Variants in THADA observed in about 807,000 individuals in gnomAD.
THADA encodes the protein tRNA (32-2'-O)-methyltransferase regulator THADA.
Under a neutral mutation model 219.8 loss-of-function variants are expected in THADA, and 213 were observed. The ratio of observed to expected loss-of-function variants is 0.97; its 90% CI spans 0.87 to 1.09. The LOEUF is 1.09. Ranked by LOEUF, THADA falls within the 50% of genes least tolerant of loss-of-function variation. The probability of loss-of-function intolerance (pLI) is 0.00; values close to 1 mark genes in which losing one functional copy is unlikely to be tolerated. For missense variants in THADA, 2,956 were observed against 2,311.3 expected (o/e 1.28, Z -5.72); for synonymous variants, 1,018 against 828.9 (o/e 1.23, Z -3.92).
chr2:43,292,019 G>C (rs1674788668), intron 33 of THADA, 85 bp downstream of exon 33: 1 of 922,308 alleles, frequency 1.1e-6, no homozygotes, highest in East Asian at 2.7e-5. Flanking sequence ...AGACCTGAGG[G>C]CAGGATTGTG....
intron 29 of THADA, among the ~76,000 whole-genome samples, chr2:43,351,485 G>A (rs966102924): frequency 6.6e-6 from 1 of 150,880 alleles, no homozygotes; most frequent in Admixed American, 6.6e-5. Context: ...ACTCTCCCCA[G>A]CTTTCCTCAA....
chr2:43,571,632 A>T (rs1290199293), intron 13 of THADA, 75 bp downstream of exon 13: 3 of 1,495,332 alleles, frequency 2.0e-6, no homozygotes, highest in Non-Finnish European at 2.7e-6. Context: ...CGCTCCCAAA[A>T]TCTGGGCTCT....
chr2:43,231,241 T>C lies in THADA; in HGVS notation c.5569A>G (p.Lys1857Glu). Reference sequence around the variant, plus strand: ...GGGCTTGGGGGACGCCAGCCGGACTTTGAGAGGAGACAGAAGAGGTGCTTG... The same window carrying C: ...GGGCTTGGGGGACGCCAGCCGGACTCTGAGAGGAGACAGAAGAGGTGCTTG... ...LCKHLFCLLS[K>E]SGWRPPSPEM... Residue 1857 changes from lysine (K) to glutamate (E), a missense_variant, in exon 38 of 38, where the codon AAG becomes GAG. Transcript: ENST00000405975. The C allele has an allele frequency of 6.2e-7, 1 of 1,613,624 alleles. No individual in the cohort carries two copies. Among genetic ancestry groups the C allele is most frequent in the Non-Finnish European group, 8.5e-7 (1 of 1,179,740 alleles).
chr2:43,354,916 A>C (rs898240480), intron 29 of THADA, among the ~76,000 whole-genome samples: 1 of 152,070 alleles, frequency 6.6e-6, no homozygotes, highest in Non-Finnish European at 1.5e-5. Context: ...TGGTTTTACA[A>C]GGGGTTTTTC....
At chr2:43,296,273 T>G (rs1254937904) in intron 31 of THADA, among the ~76,000 whole-genome samples, 1 of 150,580 alleles carries the variant, frequency 6.6e-6, no homozygotes, top group Non-Finnish European at 1.5e-5. Flanking sequence ...GGAGGCATCT[T>G]TTTATTTTTT....
At chr2:43,494,159 C>T (rs1315014773) in intron 25 of THADA, among the ~76,000 whole-genome samples, 1 of 152,146 alleles carries the variant, frequency 6.6e-6, no homozygotes, top group Admixed American at 6.5e-5. Flanking sequence ...TGTGGTAATG[C>T]CCCAAGGATG....
chr2:43,568,625 GT>G (rs1307269170), intron 14 of THADA, among the ~76,000 whole-genome samples: 2 of 152,106 alleles, frequency 1.3e-5, no homozygotes, highest in African/African-American at 4.8e-5. Flanking sequence ...AAGTACCTGA[GT>G]TTTCACAAAT....
chr2:43,467,032 A>G lies in THADA; in HGVS notation c.3836+18202T>C, dbSNP rs190268695. On this transcript the variant is annotated intron_variant, in intron 26 of 37. Coordinates refer to ENST00000405975, the MANE Select transcript of THADA (RefSeq NM_022065.5). ...CCCGTCTCTACTAAAAATACAAAAA[A>G]TTAGCCAGGCGTGGTAGCGGGCGCC... Among the ~76,000 whole-genome samples the G allele has an allele frequency of 2.0e-3, 309 of 151,802 alleles. 6 individuals are homozygous for G. The East Asian group carries it at 0.037, about 18-fold the overall frequency.
chr2:43,409,749 A>G (rs1298774968), intron 28 of THADA, among the ~76,000 whole-genome samples: 3 of 152,148 alleles, frequency 2.0e-5, no homozygotes, highest in Non-Finnish European at 4.4e-5. Context: ...AGCAGGCATG[A>G]TGGCTTACAC....
intron 31 of THADA, among the ~76,000 whole-genome samples, chr2:43,319,931 G>A (rs1201666165): frequency 6.6e-6 from 1 of 152,180 alleles, no homozygotes; most frequent in Non-Finnish European, 1.5e-5. Context: ...TTAAAATAGA[G>A]CAACTGTATG....
intron 37 of THADA, among the ~76,000 whole-genome samples, chr2:43,232,491 C>T (rs111675622): frequency 7.2e-5 from 11 of 152,284 alleles, no homozygotes; most frequent in East Asian, 1.9e-4. Context: ...GGCTTCTTTC[C>T]GAGTTCTCTC....
chr2:43,280,500 C>T (rs1345214774), intron 35 of THADA, among the ~76,000 whole-genome samples: 1 of 152,014 alleles, frequency 6.6e-6, no homozygotes, highest in South Asian at 2.1e-4. Context: ...GGCGTGGTGA[C>T]GGGCGCCTGT....
At chr2:43,419,822 AT>A (rs34881614) in intron 28 of THADA, among the ~76,000 whole-genome samples, 56,083 of 151,954 alleles carry the variant, frequency 0.37, 11,097 homozygotes, top group African/African-American at 0.48. Flanking sequence ...CTAAATTTAA[AT>A]TTTTTTTCCC....
chr2:43,457,107 G>A (rs1359981423), intron 26 of THADA, among the ~76,000 whole-genome samples: 4 of 144,778 alleles, frequency 2.8e-5, no homozygotes, highest in African/African-American at 7.6e-5. Flanking sequence ...GTTCCACATC[G>A]GTAGAAAAAA....
intron 15 of THADA, chr2:43,562,702 C>A (rs1380736850): frequency 6.6e-6 from 1 of 152,204 alleles, no homozygotes; most frequent in African/African-American, 2.4e-5. Context: ...CCAGAGAAGT[C>A]ACTTGCCCTG....
chr2:43,590,644 CA>C (rs768406325), intron 4 of THADA, among the ~76,000 whole-genome samples, 179 bp downstream of exon 4: 645 of 59,230 alleles, frequency 0.011, 1 homozygote, highest in African/African-American at 0.018. Flanking sequence ...GACTCCGTCT[CA>C]AAAAAAAAAA....
rs759470335 is a variant in THADA, at chr2:43,591,967, G to C, written c.156C>G (p.Ile52Met). Reference protein sequence around the residue: ...CVQLTDGVSQIHYIKQIVPLL... With the variant: ...CVQLTDGVSQMHYIKQIVPLL... Reference sequence around the variant, plus strand: ...TCAGACTTACCTGTTTAATATAATGGATTTGTGACACTCCATCCGTGAGTT... The same window carrying C: ...TCAGACTTACCTGTTTAATATAATGCATTTGTGACACTCCATCCGTGAGTT... The change falls in exon 3 of 38, where the codon ATC (isoleucine) becomes ATG (methionine). Residue 52 changes from isoleucine (I) to methionine (M), a missense_variant. Transcript: ENST00000405975. 4.5e-6 allele frequency: 7 copies of C among 1,547,744 alleles called. No homozygotes were observed. The African/African-American group carries it at 6.8e-5, about 15-fold the overall frequency.
chr2:43,334,677 A>G (rs1221158298), intron 30 of THADA, among the ~76,000 whole-genome samples: 1 of 151,996 alleles, frequency 6.6e-6, no homozygotes, highest in Non-Finnish European at 1.5e-5. Context: ...CGGGAGGCTC[A>G]GGCAGGAGAA....
intron 8 of THADA, among the ~76,000 whole-genome samples, 182 bp downstream of exon 8, chr2:43,581,559 G>C (rs201531041): frequency 2.6e-5 from 3 of 117,236 alleles, no homozygotes; most frequent in Non-Finnish European, 3.6e-5. Context: ...AAAAAAAAAA[G>C]AAAAGAAAAA....
Sources: allele counts gnomAD v4.1 joint callset (sites outside exome capture counted in the v4.1 genomes callset), GRCh38; gene constraint gnomAD v4.1.1; transcripts MANE v1.5; gene names NCBI Gene and HGNC (gene_info 2026-07-23, HGNC 2026-07-21).